The following JMJD1C variants were observed in gnomAD, a reference collection of about 807,000 sequenced individuals.
JMJD1C encodes the protein jumonji domain containing 1C.
JMJD1C carries 31 observed loss-of-function variants against 245.3 expected under a neutral mutation model. That is an observed-to-expected ratio of 0.13 (90% CI 0.09 to 0.17). JMJD1C has a LOEUF of 0.17. Ranked by LOEUF, JMJD1C falls within the 10% of genes least tolerant of loss-of-function variation. JMJD1C has a pLI of 1.00. For missense variants in JMJD1C, 2,691 were observed against 3,000.2 expected (o/e 0.90, Z 2.41); for synonymous variants, 1,057 against 1,017.4 (o/e 1.04, Z -0.74).
chr10:63,208,285 C>A lies in JMJD1C; in HGVS notation c.3384G>T (p.Ala1128=), dbSNP rs199576131. The A allele has an allele frequency of 6.2e-7, 1 of 1,613,848 alleles. No individual in the cohort carries two copies. The highest frequency in any genetic ancestry group is 8.5e-7 in the Non-Finnish European group (1 of 1,179,950). ...YGDKQSNALA[A]AAANPQTLTS... ...TCAGAGTTTGAGGATTAGCTGCTGC[C>A]GCTGCAAGGGCATTACTCTGTTTAT... Residue 1128 remains alanine (A), a synonymous_variant, in exon 10 of 26, where the codon GCG becomes GCT. Transcript: ENST00000399262.
intron 1 of JMJD1C, among the ~76,000 whole-genome samples, chr10:63,453,987 T>C (rs1331278116): frequency 6.6e-5 from 10 of 152,086 alleles, no homozygotes; most frequent in African/African-American, 2.2e-4. Flanking sequence ...CCTCCCAGAG[T>C]GCTGGGATTA....
intron 2 of JMJD1C, among the ~76,000 whole-genome samples, chr10:63,362,002 G>A (rs1255120051): frequency 1.3e-5 from 2 of 152,052 alleles, no homozygotes; most frequent in Non-Finnish European, 2.9e-5. Flanking sequence ...GGGAGGCCGA[G>A]GCGGGTGGAT....
intron 1 of JMJD1C, among the ~76,000 whole-genome samples, chr10:63,513,845 G>A (rs555110202): frequency 8.5e-5 from 13 of 152,112 alleles, no homozygotes; most frequent in Non-Finnish European, 1.6e-4. Flanking sequence ...CCCGGGAGGT[G>A]GAGCGTGCAG....
chr10:63,272,907 G>A (rs980290789), intron 2 of JMJD1C, among the ~76,000 whole-genome samples: 25 of 152,088 alleles, frequency 1.6e-4, no homozygotes, highest in African/African-American at 6.0e-4. Flanking sequence ...GTCCCTTACA[G>A]AATCATATAG....
chr10:63,178,939 C>T (rs1843140655), intron 22 of JMJD1C, among the ~76,000 whole-genome samples: 1 of 152,162 alleles, frequency 6.6e-6, no homozygotes. Context: ...ATTTTTGTTA[C>T]ATGGATATAT....
At chr10:63,450,870 A>C (rs573155881) in intron 1 of JMJD1C, among the ~76,000 whole-genome samples, 1 of 152,214 alleles carries the variant, frequency 6.6e-6, no homozygotes, top group Non-Finnish European at 1.5e-5. Context: ...ACCTCTGTTC[A>C]AATGACATAA....
chr10:63,309,494 C>CAAA lies in JMJD1C; in HGVS notation c.334-44733_334-44731dup, dbSNP rs71025153. Among the ~76,000 whole-genome samples, 181 of 49,006 alleles carry CAAA rather than the reference C, an allele frequency of 3.7e-3. 5 individuals carry two copies. The highest frequency in any genetic ancestry group is 6.0e-3 in the South Asian group (4 of 670). The allele number at this position is 49,006 out of a possible 152,430, so 32.1% of individuals were successfully genotyped here. ...AAGCAACAAGAGCGAGACTCCATCT[C>CAAA]AAAAAAAAAAAAAAAAAAAAAAAAG... On this transcript the variant is annotated intron_variant, in intron 2 of 25. Transcript: ENST00000399262.
At chr10:63,496,409 G>T (rs576025677) in intron 1 of JMJD1C, among the ~76,000 whole-genome samples, 1 of 152,140 alleles carries the variant, frequency 6.6e-6, no homozygotes, top group South Asian at 2.1e-4. Context: ...CTACCTAGGG[G>T]TAGCTCTCCT....
intron 1 of JMJD1C, among the ~76,000 whole-genome samples, chr10:63,450,094 C>CA (rs758137949): frequency 1.3e-5 from 2 of 151,716 alleles, no homozygotes; most frequent in Non-Finnish European, 2.9e-5. Context: ...GTATGGGTGA[C>CA]AGAGTGAGAC....
At chr10:63,331,296 C>T (rs1942113558) in intron 2 of JMJD1C, among the ~76,000 whole-genome samples, 1 of 152,138 alleles carries the variant, frequency 6.6e-6, no homozygotes, top group African/African-American at 2.4e-5. Flanking sequence ...TCTGTTAAAA[C>T]TCTTAAACCC....
chr10:63,453,763 G>C (rs1952223375), intron 1 of JMJD1C, among the ~76,000 whole-genome samples: 1 of 152,274 alleles, frequency 6.6e-6, no homozygotes, highest in East Asian at 1.9e-4. Context: ...TTTTGAGATA[G>C]AGTCTCGCTC....
chr10:63,435,253 A>G (rs1021536044), intron 1 of JMJD1C, among the ~76,000 whole-genome samples: 1 of 152,180 alleles, frequency 6.6e-6, no homozygotes, highest in African/African-American at 2.4e-5. Context: ...TATTTTAGTG[A>G]GGTTCACTTT....
At chr10:63,311,206 A>AC (rs1939138721) in intron 2 of JMJD1C, among the ~76,000 whole-genome samples, 1 of 136,120 alleles carries the variant, frequency 7.3e-6, no homozygotes, top group Non-Finnish European at 1.7e-5. Context: ...CCCCGGCTCT[A>AC]TTAAAAAAAA....
chr10:63,203,167 G>A (rs1039140258), intron 10 of JMJD1C: 2 of 984,848 alleles, frequency 2.0e-6, no homozygotes, highest in South Asian at 9.4e-5. Flanking sequence ...TTTGCTTCTA[G>A]ACAAGGCCAC....
chr10:63,223,216 T>C (rs1438247135), intron 3 of JMJD1C, among the ~76,000 whole-genome samples: 1 of 138,786 alleles, frequency 7.2e-6, no homozygotes, highest in Non-Finnish European at 1.5e-5. Flanking sequence ...TTATAAACTG[T>C]TTTTTCTGTG....
At chr10:63,482,905 C>A (rs1007776935) in intron 1 of JMJD1C, among the ~76,000 whole-genome samples, 2 of 152,020 alleles carry the variant, frequency 1.3e-5, no homozygotes, top group African/African-American at 4.8e-5. Flanking sequence ...AGTAACAGCC[C>A]GTTTGCTTTT....
intron 2 of JMJD1C, among the ~76,000 whole-genome samples, chr10:63,337,624 A>AAAAAGAAAAAGAAAAG (rs1554892789): frequency 0.046 from 2,752 of 60,140 alleles, 418 homozygotes; most frequent in African/African-American, 0.14. Context: ...AAAAGAAAAG[A>AAAAAGAAAAAGAAAAG]AAAAGAAAAG....
chr10:63,461,592 TG>T (rs1320136367), intron 1 of JMJD1C, among the ~76,000 whole-genome samples: 1 of 152,218 alleles, frequency 6.6e-6, no homozygotes, highest in Non-Finnish European at 1.5e-5. Context: ...TAACATCAGC[TG>T]ATACACATTT....
chr10:63,315,947 G>C (rs1466163029), intron 2 of JMJD1C, among the ~76,000 whole-genome samples: 2 of 151,728 alleles, frequency 1.3e-5, no homozygotes, highest in African/African-American at 4.8e-5. Context: ...GATGGACAGA[G>C]TACATGAGCC....
Sources: gnomAD v4.1 joint callset for allele counts (sites outside exome capture counted in the v4.1 genomes callset) on GRCh38, gnomAD v4.1.1 for gene constraint, MANE v1.5 for transcripts, NCBI Gene and HGNC (gene_info 2026-07-23, HGNC 2026-07-21) for gene names.